LMO7: variants seen among roughly 807,000 people sequenced by gnomAD.
The protein encoded by LMO7 is LIM domain 7.
In LMO7, 120 loss-of-function variants were observed where a neutral mutation model predicts 206.5. The observed-to-expected ratio is 0.58, with a 90% CI of 0.50 to 0.68. The LOEUF (loss-of-function observed/expected upper bound fraction) is 0.68, where lower values mean the gene tolerates loss of function less well. Among genes scored for constraint, LMO7 ranks in the 30% least tolerant of loss-of-function variants. The pLI is 0.00. For missense variants in LMO7, 1,959 were observed against 1,957.9 expected (o/e 1.00, Z -0.01); for synonymous variants, 706 against 681.5 (o/e 1.04, Z -0.56).
rs3825438 is a variant in LMO7, at chr13:75,837,418, G to T, written c.3395-722G>T. On this transcript the variant is annotated intron_variant, in intron 19 of 30. Transcript: ENST00000377534. ...AGACATCTAGCTCTATGACGACTAG[G>T]GGACTATACGTGGGCCCTGTCATTG... Among the ~76,000 whole-genome samples, 4 of 152,142 alleles carry T rather than the reference G, an allele frequency of 2.6e-5. No individual in the cohort carries two copies. In the East Asian group the frequency reaches 7.7e-4, roughly 29 times the overall value.
chr13:75,750,442 T>G (rs1566386456), intron 3 of LMO7, among the ~76,000 whole-genome samples: 1 of 145,984 alleles, frequency 6.9e-6, no homozygotes, highest in Non-Finnish European at 1.5e-5. Context: ...CAGGCTGGAA[T>G]GCAGTGGTGC....
At chr13:75,727,120 C>T (rs776914312) in intron 3 of LMO7, 22 bp downstream of exon 3, 4 of 1,422,990 alleles carry the variant, frequency 2.8e-6, no homozygotes, top group Non-Finnish European at 3.0e-6. Context: ...ATTATCTTCA[C>T]AACTAAATTT....
chr13:75,758,653 TTGG>T (rs1302604983), intron 3 of LMO7, among the ~76,000 whole-genome samples: 3 of 152,192 alleles, frequency 2.0e-5, no homozygotes, highest in Admixed American at 2.0e-4. Flanking sequence ...TCTCTCTACT[TTGG>T]TGGTTTTTGA....
At chr13:75,738,703 A>T (rs1355823754) in intron 3 of LMO7, among the ~76,000 whole-genome samples, 1 of 152,086 alleles carries the variant, frequency 6.6e-6, no homozygotes, top group African/African-American at 2.4e-5. Context: ...TTTATTTGGG[A>T]TTTTTTTTAA....
intron 28 of LMO7, among the ~76,000 whole-genome samples, chr13:75,853,707 T>C (rs1384334973): frequency 6.6e-6 from 1 of 152,202 alleles, no homozygotes; most frequent in Non-Finnish European, 1.5e-5. Flanking sequence ...TGTGGAATCA[T>C]GAAAACATAT....
In LMO7 at chr13:75,835,267, T is replaced by A; in HGVS notation, c.3261T>A (p.Ser1087=). The change falls in exon 18 of 31, where the codon TCT becomes TCA. Residue 1087 remains serine, a synonymous_variant. Coordinates refer to ENST00000377534, the MANE Select transcript of LMO7 (RefSeq NM_001306080.2). The part of the protein sequence containing the change: ...SPETKWIDAT[S]GIYNSEKSSN... ...AAACAAAGTGGATTGATGCAACTTCTGGAATTTACAACTCAGAAAAATCTT... is the reference window on the plus strand; with the variant it reads ...AAACAAAGTGGATTGATGCAACTTCAGGAATTTACAACTCAGAAAAATCTT... 6.2e-7 allele frequency: 1 copy of A among 1,611,978 alleles called. No homozygotes were observed. Among genetic ancestry groups the A allele is most frequent in the Non-Finnish European group, 8.5e-7 (1 of 1,178,894 alleles).
At chr13:75,670,966 C>CTTTTTTTTTTTTTTTTT (rs552236505) in intron 1 of LMO7, among the ~76,000 whole-genome samples, 103 of 100,024 alleles carry the variant, frequency 1.0e-3, no homozygotes, top group Non-Finnish European at 1.5e-3. Context: ...ATGTTTAAAA[C>CTTTTTTTTTTTTTTTTT]TTTTTTTTTT....
intron 3 of LMO7, among the ~76,000 whole-genome samples, chr13:75,733,529 C>A (rs2045491183): frequency 6.6e-6 from 1 of 152,212 alleles, no homozygotes; most frequent in Admixed American, 6.5e-5. Context: ...TACCATCTGT[C>A]ACCCCTTTCT....
rs17065048 is a variant in LMO7 at position 75,794,592 on chromosome 13, G to A, written c.318-809G>A. On this transcript the variant is annotated intron_variant, in intron 4 of 30. Coordinates refer to ENST00000377534, the MANE Select transcript of LMO7 (RefSeq NM_001306080.2). ...GTTAGACTGGACAGGCCAATTAGAA[G>A]CTTTCTTAATCAGGCTTCTACAAGT... 8.7e-3 allele frequency among the ~76,000 whole-genome samples: 1,321 copies of A among 152,198 alleles called. 26 individuals carry two copies. Among genetic ancestry groups the A allele is most frequent in the African/African-American group, 0.029 (1,216 of 41,514 alleles).
At chr13:75,825,500 A>G (rs1013040115) in intron 15 of LMO7, among the ~76,000 whole-genome samples, 1 of 152,230 alleles carries the variant, frequency 6.6e-6, no homozygotes, top group Admixed American at 6.5e-5. Context: ...GCTTCAATTA[A>G]TGTGGCACTG....
intron 3 of LMO7, among the ~76,000 whole-genome samples, chr13:75,730,175 G>A (rs370756300): frequency 7.2e-4 from 109 of 151,620 alleles, no homozygotes; most frequent in Middle Eastern, 3.4e-3. Context: ...CTCTTTTTCT[G>A]TTGATTGGAA....
chr13:75,775,054 T>C (rs2050199820), intron 4 of LMO7, among the ~76,000 whole-genome samples: 1 of 152,136 alleles, frequency 6.6e-6, no homozygotes, highest in Non-Finnish European at 1.5e-5. Flanking sequence ...TAAGTATGTT[T>C]TTAGAAAAAC....
intron 13 of LMO7, among the ~76,000 whole-genome samples, chr13:75,820,722 T>C (rs1042272385): frequency 3.3e-5 from 5 of 152,324 alleles, no homozygotes; most frequent in South Asian, 4.1e-4. Context: ...TTGCTGGGCA[T>C]GGTGGCTCAT....
intron 4 of LMO7, among the ~76,000 whole-genome samples, chr13:75,770,540 G>A (rs903055233): frequency 1.3e-5 from 2 of 152,120 alleles, no homozygotes; most frequent in Admixed American, 6.6e-5. Context: ...CAAAAGTAGA[G>A]AAGCAGAAAA....
At chr13:75,803,133 T>G (rs2054985647) in intron 7 of LMO7, among the ~76,000 whole-genome samples, 1 of 152,226 alleles carries the variant, frequency 6.6e-6, no homozygotes, top group African/African-American at 2.4e-5. Flanking sequence ...GTTTATTGAC[T>G]ACTACTCCTC....
At position 75,857,908 on chromosome 13, in the gene LMO7, CT is replaced by C. The variant is rs748594237; in HGVS notation, c.4874-11del. 1 of 1,587,728 alleles carries C rather than the reference CT, an allele frequency of 6.3e-7. No homozygotes were observed. The highest frequency in any genetic ancestry group is 1.2e-5 in the South Asian group (1 of 86,602). ...TCTAAGCACTTTTCTTTCTTTTCTC[CT>C]TGCCCGATCAGCTGGACGGCCAACC... On this transcript the variant is annotated splice_polypyrimidine_tract_variant and intron_variant, in intron 30 of 30. Coordinates refer to ENST00000377534, the MANE Select transcript of LMO7 (RefSeq NM_001306080.2).
exon 1 of LMO7, chr13:75,621,762 G>A (rs1232326660): frequency 6.2e-7 from 1 of 1,612,838 alleles, no homozygotes. Context: ...TTCTCTTCCA[G>A]AGAACAGAGC....
At chr13:75,662,901 T>A (rs2038737866) in intron 1 of LMO7, among the ~76,000 whole-genome samples, 2 of 152,158 alleles carry the variant, frequency 1.3e-5, no homozygotes, top group Admixed American at 6.5e-5. Flanking sequence ...TAAAGTACTT[T>A]CCTGTGTGTT....
intron 1 of LMO7, among the ~76,000 whole-genome samples, chr13:75,649,756 C>T (rs565553095): frequency 1.3e-4 from 20 of 152,254 alleles, no homozygotes; most frequent in African/African-American, 4.6e-4. Context: ...GGTAGAAGCC[C>T]TTAATATCTA....
Sources: allele counts gnomAD v4.1 joint callset (sites outside exome capture counted in the v4.1 genomes callset), GRCh38; gene constraint gnomAD v4.1.1; transcripts MANE v1.5; gene names NCBI Gene and HGNC (gene_info 2026-07-23, HGNC 2026-07-21).